TRIM11: variants seen among roughly 807,000 people sequenced by gnomAD.
TRIM11 encodes tripartite motif containing 11.
In TRIM11, 15 loss-of-function variants were observed where a neutral mutation model predicts 33.4. The ratio of observed to expected loss-of-function variants is 0.45; its 90% CI spans 0.30 to 0.69. The LOEUF (loss-of-function observed/expected upper bound fraction) is 0.69. TRIM11 is among the 30% of genes least tolerant of loss of function. The pLI, the probability that TRIM11 is intolerant of heterozygous loss-of-function variation, is 0.08. For synonymous variants in TRIM11, 281 were observed against 302.6 expected, an observed-to-expected ratio of 0.93 and a Z score of 0.74; for missense variants, 499 against 667.6, an observed-to-expected ratio of 0.75 and a Z score of 2.78.
Position 228,401,118 on chromosome 1 carries a change from T to A in TRIM11, c.581A>T (p.Gln194Leu). The change falls in exon 3 of 6, where the codon CAG becomes CTG. Residue 194 changes from glutamine to leucine, a missense_variant. Coordinates refer to ENST00000284551, the MANE Select transcript of TRIM11 (RefSeq NM_145214.3). This position sits in a 1 kb window ranked among gnomAD's most constrained non-coding sequence, Gnocchi z 6.1. ...CTCCTCCAGCCTCTGCAGCAGCTGC[T>A]GCTCCTCCTCTGCCAGCAAACGGCG... is the stretch of plus-strand genomic sequence containing the variant. ...RLRRLLAEEEQQLLQRLEEEE... is the reference protein window; with the variant it reads ...RLRRLLAEEELQLLQRLEEEE... 1 of 1,613,594 alleles carries A rather than the reference T, an allele frequency of 6.2e-7. No homozygotes were observed. The highest frequency in any genetic ancestry group is 8.5e-7 in the Non-Finnish European group (1 of 1,179,934).
In TRIM11 at chr1:228,394,955, T is replaced by C. The variant is rs374778174; in HGVS notation, c.1157A>G (p.Tyr386Cys). The C allele has an allele frequency of 3.2e-5, 51 of 1,613,954 alleles. No homozygotes were observed. Among genetic ancestry groups the C allele is most frequent in the Non-Finnish European group, 3.8e-5 (45 of 1,180,012 alleles). ...CAAGGCCCGTTCCGAGGAATTGTAA[T>C]AGCTCCCCAGGAAGACCAGGATCCA... ...GFWILVFLGS[Y>C]YNSSERALAP... Residue 386 changes from tyrosine (Y) to cysteine (C), a missense_variant, in exon 6 of 6, where the codon TAT (tyrosine) becomes TGT (cysteine). Physicochemically the swap from Tyr to Cys is radical, Grantham distance 194. Coordinates refer to ENST00000284551, the MANE Select transcript of TRIM11 (RefSeq NM_145214.3). This position sits in a 1 kb window ranked among gnomAD's most constrained non-coding sequence, Gnocchi z 6.2.
intron 1 of TRIM11, chr1:228,405,837 ACCACCTT>A (rs925892151): frequency 1.6e-4 from 48 of 304,542 alleles, no homozygotes; most frequent in Non-Finnish European, 2.8e-4. Flanking sequence ...CCCCCACTCC[ACCACCTT>A]CCACCTTCCA....
intron 3 of TRIM11, among the ~76,000 whole-genome samples, chr1:228,398,977 C>T (rs1427218849): frequency 6.6e-6 from 1 of 152,072 alleles, no homozygotes; most frequent in Non-Finnish European, 1.5e-5. Flanking sequence ...TTGAACAAAA[C>T]CACTCTGCGG....
chr1:228,396,447 T>C, intron 5 of TRIM11: 2 of 561,730 alleles, frequency 3.6e-6, no homozygotes, highest in Non-Finnish European at 6.3e-6. Context: ...GCTTTGCCCA[T>C]GTGTCTCTTC....
intron 1 of TRIM11, chr1:228,404,598 C>A (rs2149094485): frequency 6.6e-6 from 1 of 152,374 alleles, no homozygotes; most frequent in South Asian, 2.1e-4. Context: ...GCTCTCTGTA[C>A]TCCTATCTGC....
At position 228,394,813 on chromosome 1, in the gene TRIM11, G is replaced by A; in HGVS notation, c.1299C>T (p.Pro433=). 1 of 1,614,152 alleles carries A rather than the reference G, an allele frequency of 6.2e-7. No individual in the cohort carries two copies. The highest frequency in any genetic ancestry group is 1.1e-5 in the South Asian group (1 of 91,078). Residue 433 remains proline (P), a synonymous_variant, in exon 6 of 6, where the codon CCC becomes CCT. Coordinates refer to ENST00000284551, the MANE Select transcript of TRIM11 (RefSeq NM_145214.3). The surrounding 1 kb of genome is among the most constrained non-coding windows in gnomAD (Gnocchi z 6.2). The part of the protein sequence containing the change: ...GSLLFIFPEI[P]FSGTLRPLFS... Reference sequence around the variant, plus strand: ...AGAGGGGCCGCAGCGTCCCCGAGAAGGGGATCTCGGGAAAGATGAATAGCA... The same window carrying A: ...AGAGGGGCCGCAGCGTCCCCGAGAAAGGGATCTCGGGAAAGATGAATAGCA...
At chr1:228,396,785 TGTCAGAA>T (rs1295030317) in intron 5 of TRIM11, 155 bp downstream of exon 5, 1 of 735,250 alleles carries the variant, frequency 1.4e-6, no homozygotes. Context: ...ACACAACTGA[TGTCAGAA>T]GTATGAGCAG....
intron 3 of TRIM11, among the ~76,000 whole-genome samples, chr1:228,398,452 TA>T (rs973817429): frequency 3.3e-5 from 5 of 151,480 alleles, no homozygotes; most frequent in Admixed American, 2.0e-4. Flanking sequence ...GTCCCATCTC[TA>T]AAAAAAAATT....
rs140409018 is a variant in TRIM11, at chr1:228,405,889, G to C, written c.408+265C>G. On this transcript the variant is annotated intron_variant, in intron 1 of 5. Transcript: ENST00000284551. ...CTTAGCCTCTATCTATGAGAGGTAC[G>C]CCCCTCACCCCCGAGAGCAGGGTCT... 732 of 396,692 alleles carry C rather than the reference G, an allele frequency of 1.8e-3. 5 individuals carry two copies. The highest frequency in any genetic ancestry group is 0.014 in the African/African-American group (686 of 47,618). The allele number at this position is 396,692 out of a possible 1,614,324, so 24.6% of individuals were successfully genotyped here.
intron 3 of TRIM11, among the ~76,000 whole-genome samples, chr1:228,397,977 G>A (rs1450623558): frequency 2.0e-5 from 3 of 152,196 alleles, no homozygotes; most frequent in Non-Finnish European, 4.4e-5. Flanking sequence ...GTCTTCCAGT[G>A]TGCAGGACTG....
chr1:228,406,083 T>TA lies in TRIM11; in HGVS notation c.408+70_408+71insT. The TA allele has an allele frequency of 1.3e-4, 115 of 917,710 alleles. No homozygotes were observed. Among genetic ancestry groups the TA allele is most frequent in the Middle Eastern group, 3.8e-4 (1 of 2,660 alleles). The allele number at this position is 917,710 out of a possible 1,614,324, so 56.8% of individuals were successfully genotyped here. On this transcript the variant is annotated intron_variant, in intron 1 of 5. Coordinates refer to ENST00000284551, the MANE Select transcript of TRIM11 (RefSeq NM_145214.3). The surrounding 1 kb of genome is among the most constrained non-coding windows in gnomAD (Gnocchi z 8.2). ...TACTCCCGGAGCAGTCCCCCAAACC[T>TA]CCCACCCGCCCAGGCCTCCCCAGTC...
rs1262552317 is a variant in TRIM11, at chr1:228,401,617, G to A, written c.505-423C>T. Among the ~76,000 whole-genome samples, 1 of 151,584 alleles carries A rather than the reference G, an allele frequency of 6.6e-6. No individual in the cohort carries two copies. The highest frequency in any genetic ancestry group is 1.5e-5 in the Non-Finnish European group (1 of 67,912). ...AAATCTACCACCCAGGGTCCCTCCT[G>A]ACCTCCAAATTCTCCCCTGGGGCTT... On this transcript the variant is annotated intron_variant, in intron 2 of 5. Transcript: ENST00000284551. This position sits in a 1 kb window ranked among gnomAD's most constrained non-coding sequence, Gnocchi z 6.1.
At position 228,406,090 on chromosome 1, in the gene TRIM11, C is replaced by T; in HGVS notation, c.408+64G>A. On this transcript the variant is annotated intron_variant, in intron 1 of 5. Transcript: ENST00000284551. This position sits in a 1 kb window ranked among gnomAD's most constrained non-coding sequence, Gnocchi z 8.2. The stretch of plus-strand genomic sequence containing the variant: ...GGAGCAGTCCCCCAAACCTCCCACC[C>T]GCCCAGGCCTCCCCAGTCCCCGGCT... The T allele has an allele frequency of 1.6e-6, 2 of 1,278,374 alleles. No homozygotes were observed. The highest frequency in any genetic ancestry group is 2.0e-5 in the South Asian group (1 of 49,910). 79.2% of individuals were successfully genotyped at this position (1,278,374 alleles called of 1,614,324 possible). A position where few individuals can be genotyped will look rare whatever the true frequency, so the allele number is the denominator to read the frequency against.
In TRIM11 at chr1:228,400,562, C is replaced by T. The variant is rs1384174853; in HGVS notation, c.735+402G>A. Among the ~76,000 whole-genome samples the T allele has an allele frequency of 1.3e-5, 2 of 152,112 alleles. No individual in the cohort carries two copies. Among genetic ancestry groups the T allele is most frequent in the Non-Finnish European group, 2.9e-5 (2 of 68,004 alleles). On this transcript the variant is annotated intron_variant, in intron 3 of 5. Coordinates refer to ENST00000284551, the MANE Select transcript of TRIM11 (RefSeq NM_145214.3). This position sits in a 1 kb window ranked among gnomAD's most constrained non-coding sequence, Gnocchi z 4.5. ...AGCGGGGTGAAGACAGAGTGAAGGG[C>T]GAGGACTTCCTGCTGGGGACACCAT...
intron 1 of TRIM11, 160 bp downstream of exon 1, chr1:228,405,994 A>T: frequency 1.3e-6 from 1 of 770,082 alleles, no homozygotes; most frequent in Non-Finnish European, 1.8e-6. Flanking sequence ...ACCCTGCGCG[A>T]CACCCCCCTC....
In TRIM11 at chr1:228,401,305, C is replaced by A. The variant is rs1656213297; in HGVS notation, c.505-111G>T. The A allele has an allele frequency of 1.5e-6, 2 of 1,340,698 alleles. No individual in the cohort carries two copies. Among genetic ancestry groups the A allele is most frequent in the East Asian group, 5.1e-5 (2 of 39,484 alleles). 83.1% of individuals were successfully genotyped at this position (1,340,698 alleles called of 1,614,324 possible). On this transcript the variant is annotated intron_variant, in intron 2 of 5. Coordinates refer to ENST00000284551, the MANE Select transcript of TRIM11 (RefSeq NM_145214.3). The surrounding 1 kb of genome is among the most constrained non-coding windows in gnomAD (Gnocchi z 6.1). Reference sequence around the variant, plus strand: ...GAGGCCTGGCTGCACCCAACCCCACCCCCGGGGCCTGCTAAAGCCAAAGCA... The same window carrying A: ...GAGGCCTGGCTGCACCCAACCCCACACCCGGGGCCTGCTAAAGCCAAAGCA...
rs916911827 is a variant in TRIM11, at chr1:228,397,224, T to C, written c.736-59A>G. 1.9e-6 allele frequency: 3 copies of C among 1,571,242 alleles called. No individual in the cohort carries two copies. In the Admixed American group the frequency reaches 5.3e-5, roughly 28 times the overall value. On this transcript the variant is annotated intron_variant, in intron 3 of 5. Coordinates refer to ENST00000284551, the MANE Select transcript of TRIM11 (RefSeq NM_145214.3). ...CAGTGACCATCGCTTGCTCCTGGAGTCCCCTCCCCGCCCCTGGAGCCTCGC... is the reference window on the plus strand; with the variant it reads ...CAGTGACCATCGCTTGCTCCTGGAGCCCCCTCCCCGCCCCTGGAGCCTCGC...
At chr1:228,399,491 C>T (rs1187703047) in intron 3 of TRIM11, among the ~76,000 whole-genome samples, 2 of 119,136 alleles carry the variant, frequency 1.7e-5, no homozygotes, top group Non-Finnish European at 3.2e-5. Context: ...CAGCTGAAAG[C>T]CCAAATTGCA....
Position 228,401,161 on chromosome 1 carries a change from C to G in TRIM11, c.538G>C (p.Gly180Arg). The stretch of plus-strand genomic sequence containing the variant: ...AAACGGCGAAGACGCTCGAACTCAC[C>G]CAGCACGTTCTGCCGCTGGCTCTCC... Reference protein sequence around the residue: ...MVESQRQNVLGEFERLRRLLA... With the variant: ...MVESQRQNVLREFERLRRLLA... The change falls in exon 3 of 6, where the codon GGT becomes CGT. Residue 180 changes from glycine (G) to arginine (R), a missense_variant. Physicochemically the swap from Gly to Arg is moderately radical, Grantham distance 125. Transcript: ENST00000284551. This position sits in a 1 kb window ranked among gnomAD's most constrained non-coding sequence, Gnocchi z 6.1. 6.2e-7 allele frequency: 1 copy of G among 1,613,468 alleles called. No homozygotes were observed.
Sources: allele counts gnomAD v4.1 joint callset (sites outside exome capture counted in the v4.1 genomes callset), GRCh38; gene constraint gnomAD v4.1.1; non-coding constraint Gnocchi (gnomAD v3.1); transcripts MANE v1.5; gene names NCBI Gene and HGNC (gene_info 2026-07-23, HGNC 2026-07-21).